The following GNAT2 variants were observed in gnomAD, a reference collection of about 807,000 sequenced individuals.
GNAT2 encodes guanine nucleotide-binding protein G(t) subunit alpha-2.
GNAT2 carries 32 observed loss-of-function variants against 40.9 expected under a neutral mutation model. That is an observed-to-expected ratio of 0.78 (90% CI 0.59 to 1.05). The LOEUF is 1.05. Among genes scored for constraint, GNAT2 ranks in the 50% least tolerant of loss-of-function variants. The probability of loss-of-function intolerance (pLI) is 0.00; values close to 1 mark genes in which losing one functional copy is unlikely to be tolerated. For synonymous variants in GNAT2, 141 were observed against 157.2 expected, an observed-to-expected ratio of 0.90 and a Z score of 0.77; for missense variants, 355 against 431.5, an observed-to-expected ratio of 0.82 and a Z score of 1.57.
In GNAT2 at chr1:109,603,985, T is replaced by A. The variant is rs1475975747; in HGVS notation, c.840A>T (p.Lys280Asn). 1 of 1,611,044 alleles carries A rather than the reference T, an allele frequency of 6.2e-7. No individual in the cohort carries two copies. The highest frequency in any genetic ancestry group is 1.1e-5 in the South Asian group (1 of 91,022). ...KKDLFEEKIK[K>N]VHLSICFPEY... is the part of the protein sequence containing the mutation. ...CTGGAAAACAAATGCTGAGATGGAC[T>A]TTCTTGATTTTTTCCTCAAAGAGGT... The change falls in exon 8 of 9, where the codon AAA (lysine) becomes AAT (asparagine). Residue 280 changes from lysine to asparagine, a missense_variant. Coordinates refer to ENST00000679935, the MANE Select transcript of GNAT2 (RefSeq NM_001377295.2).
intron 4 of GNAT2, 118 bp from the exon 5 acceptor site, chr1:109,608,906 A>C: frequency 1.2e-6 from 1 of 812,002 alleles, no homozygotes; most frequent in Non-Finnish European, 2.1e-6. Context: ...AGATGGAAGC[A>C]GTATCCAGTG....
At chr1:109,610,966 C>G (rs1443112080) in intron 2 of GNAT2, 5 of 201,998 alleles carry the variant, frequency 2.5e-5, no homozygotes, top group Non-Finnish European at 5.1e-5. Flanking sequence ...TTGGAGAGAG[C>G]TGGATCATTT....
rs1449195747 is a variant in GNAT2 at position 109,606,619 on chromosome 1, G to A, written c.462-183C>T. The A allele has an allele frequency of 6.7e-6, 4 of 593,034 alleles. No individual in the cohort carries two copies. The African/African-American group carries it at 7.4e-5, about 11-fold the overall frequency. The allele number at this position is 593,034 out of a possible 1,614,324, so 36.7% of individuals were successfully genotyped here. A position where few individuals can be genotyped will look rare whatever the true frequency, so the allele number is the denominator to read the frequency against. ...TATGTCATTAACTAGAGGAAATGGG[G>A]GATGGACTGAGGGACAAGCCCATTT... On this transcript the variant is annotated intron_variant, in intron 5 of 8. Transcript: ENST00000679935.
chr1:109,617,825 T>C (rs1023374383), intron 1 of GNAT2: 13 of 152,262 alleles, frequency 8.5e-5, no homozygotes, highest in African/African-American at 2.4e-4. Context: ...TCTTTAAAAC[T>C]ATGTCAACAT....
chr1:109,604,231 T>A (rs1649526172), intron 7 of GNAT2, 127 bp from the exon 8 acceptor site: 4 of 753,466 alleles, frequency 5.3e-6, no homozygotes, highest in Non-Finnish European at 2.4e-6. Flanking sequence ...GAACAGCTTA[T>A]CTCAATGTAC....
intron 3 of GNAT2, 87 bp downstream of exon 3, chr1:109,610,378 C>T (rs1649759091): frequency 2.9e-6 from 4 of 1,373,940 alleles, no homozygotes; most frequent in Non-Finnish European, 4.2e-6. Context: ...CTCCTTGAGG[C>T]TAAAGAGCCT....
intron 5 of GNAT2, 68 bp from the exon 6 acceptor site, chr1:109,606,504 CT>C: frequency 7.4e-7 from 1 of 1,353,634 alleles, no homozygotes; most frequent in Non-Finnish European, 1.1e-6. Flanking sequence ...TAAAAGGTAT[CT>C]TACCCAAAGT....
chr1:109,607,059 G>A (rs1649619909), intron 5 of GNAT2: 1 of 154,130 alleles, frequency 6.5e-6, no homozygotes, highest in Non-Finnish European at 1.4e-5. Context: ...AAATAAGATT[G>A]GCCATGAGTT....
intron 1 of GNAT2, chr1:109,618,128 T>C (rs1053351201): frequency 1.3e-5 from 2 of 152,126 alleles, no homozygotes; most frequent in Non-Finnish European, 2.9e-5. Flanking sequence ...AAAATGCAAA[T>C]AAATATAAAG....
chr1:109,607,325 C>T (rs1265895793), intron 5 of GNAT2: 1 of 151,972 alleles, frequency 6.6e-6, no homozygotes, highest in African/African-American at 2.4e-5. Context: ...GTGGCGGGCG[C>T]CAGTATCCCC....
intron 1 of GNAT2, chr1:109,618,075 A>G (rs544826903): frequency 1.3e-5 from 2 of 152,336 alleles, no homozygotes; most frequent in Admixed American, 6.5e-5. Flanking sequence ...GTTGATTTCT[A>G]TCCCCTTGAT....
chr1:109,613,648 T>C (rs1649866426), intron 1 of GNAT2: 1 of 152,932 alleles, frequency 6.5e-6, no homozygotes, highest in East Asian at 1.9e-4. Context: ...GGACCAAATC[T>C]GACTCATCTT....
chr1:109,610,011 C>T (rs748451001), intron 4 of GNAT2, 29 bp downstream of exon 4: 4 of 1,611,156 alleles, frequency 2.5e-6, no homozygotes, highest in East Asian at 2.2e-5. Context: ...TCTGCTTCCA[C>T]CCTTAACCAC....
intron 1 of GNAT2, chr1:109,616,878 G>A (rs1043449684): frequency 2.0e-5 from 3 of 152,290 alleles, no homozygotes; most frequent in African/African-American, 7.2e-5. Flanking sequence ...GATGTGACTG[G>A]ACTGGAGTGA....
At chr1:109,612,282 ATACTT>A (rs1649818781) in intron 2 of GNAT2, 1 of 208,598 alleles carries the variant, frequency 4.8e-6, no homozygotes, top group South Asian at 7.6e-5. Context: ...AGGAACCACT[ATACTT>A]GGCAAAAACC....
intron 8 of GNAT2, 102 bp from the exon 9 acceptor site, chr1:109,603,646 A>G: frequency 1.2e-6 from 1 of 826,044 alleles, no homozygotes; most frequent in Non-Finnish European, 2.1e-6. Flanking sequence ...GTTATTAGAC[A>G]ACAGCAGTTG....
intron 2 of GNAT2, 171 bp downstream of exon 2, chr1:109,612,582 C>G (rs1649830087): frequency 1.5e-6 from 1 of 673,586 alleles, no homozygotes; most frequent in South Asian, 1.5e-5. Flanking sequence ...GCTGTTTAGG[C>G]CCCATATTAA....
At chr1:109,612,688 A>G in intron 2 of GNAT2, 65 bp downstream of exon 2, 1 of 1,002,810 alleles carries the variant, frequency 1.0e-6, no homozygotes, top group Non-Finnish European at 1.6e-6. Context: ...GGTAGAACCC[A>G]CCAACCCTTC....
At chr1:109,612,616 C>G in intron 2 of GNAT2, 137 bp downstream of exon 2, 1 of 725,342 alleles carries the variant, frequency 1.4e-6, no homozygotes, top group Non-Finnish European at 2.5e-6. Context: ...CTCCTGATCC[C>G]CTAGCCAGAC....
Sources: allele counts gnomAD v4.1 joint callset, GRCh38; gene constraint gnomAD v4.1.1; transcripts MANE v1.5; gene names NCBI Gene and HGNC (gene_info 2026-07-23, HGNC 2026-07-21).